The following BOK variants were observed in gnomAD, a reference collection of about 807,000 sequenced individuals.
The protein encoded by BOK is bcl-2-related ovarian killer protein.
In BOK, 20 loss-of-function variants were observed where a neutral mutation model predicts 18.3. The observed-to-expected ratio is 1.09, with a 90% CI of 0.77 to 1.59. The LOEUF (loss-of-function observed/expected upper bound fraction) is 1.59. Among genes scored for constraint, BOK ranks in the 40% most tolerant of loss-of-function variants. The pLI, the probability that BOK is intolerant of heterozygous loss-of-function variation, is 0.00. For synonymous variants in BOK, 173 were observed against 142.4 expected, an observed-to-expected ratio of 1.21 and a Z score of -1.53; for missense variants, 348 against 307.9, an observed-to-expected ratio of 1.13 and a Z score of -0.97.
chr2:241,569,278 C>T (rs916037565), intron 3 of BOK, among the ~76,000 whole-genome samples: 3 of 151,644 alleles, frequency 2.0e-5, no homozygotes, highest in African/African-American at 4.9e-5. Context: ...ATTATAGGCG[C>T]GTGCCACCAC....
At position 241,562,969 on chromosome 2, in the gene BOK, T is replaced by C. The variant is rs2066554397; in HGVS notation, c.349+493T>C. 1.3e-5 allele frequency among the ~76,000 whole-genome samples: 2 copies of C among 152,172 alleles called. No individual in the cohort carries two copies. Among genetic ancestry groups the C allele is most frequent in the African/African-American group, 4.8e-5 (2 of 41,452 alleles). On this transcript the variant is annotated intron_variant, in intron 3 of 4. Transcript: ENST00000318407. The surrounding 1 kb of genome is among the most constrained non-coding windows in gnomAD (Gnocchi z 4.5). ...CACGGGTAACTCTGCTGGATTCTGATGGTCAGAAGCGAGCCTCAGGGCTCC... is the reference window on the plus strand; with the variant it reads ...CACGGGTAACTCTGCTGGATTCTGACGGTCAGAAGCGAGCCTCAGGGCTCC...
chr2:241,566,447 T>TA (rs2066615998), intron 3 of BOK, among the ~76,000 whole-genome samples: 1 of 148,872 alleles, frequency 6.7e-6, no homozygotes, highest in Non-Finnish European at 1.5e-5. Flanking sequence ...TACAGGTATG[T>TA]GCCACCACGC....
chr2:241,562,151 C>T lies in BOK; in HGVS notation c.221-197C>T, dbSNP rs1167135279. Among the ~76,000 whole-genome samples, 1 of 152,216 alleles carries T rather than the reference C, an allele frequency of 6.6e-6. No homozygotes were observed. Among genetic ancestry groups the T allele is most frequent in the Non-Finnish European group, 1.5e-5 (1 of 68,028 alleles). On this transcript the variant is annotated intron_variant, in intron 2 of 4. Transcript: ENST00000318407. The surrounding 1 kb of genome is among the most constrained non-coding windows in gnomAD (Gnocchi z 4.5). Reference sequence around the variant, plus strand: ...TTCAGTACTTCCTTGGTCTTCTGGTCCCTAGGGGCCAAGGTTGGGGGATGG... The same window carrying T: ...TTCAGTACTTCCTTGGTCTTCTGGTTCCTAGGGGCCAAGGTTGGGGGATGG...
At chr2:241,558,434 C>A (rs1468844245), upstream of BOK, among the ~76,000 whole-genome samples, 3 of 152,198 alleles carry the variant, frequency 2.0e-5, no homozygotes, top group Admixed American at 6.5e-5. Flanking sequence ...AATGCGAATC[C>A]AATAATCCAT....
At position 241,562,335 on chromosome 2, in the gene BOK, T is replaced by C. The variant is rs541674847; in HGVS notation, c.221-13T>C. ...ACGTGGGCTGCCTCTCACCTGCTCT[T>C]GTGACCACACAGGCGATGAGCTGGA... On this transcript the variant is annotated splice_polypyrimidine_tract_variant and intron_variant, in intron 2 of 4. Coordinates refer to ENST00000318407, the MANE Select transcript of BOK (RefSeq NM_032515.5). This position sits in a 1 kb window ranked among gnomAD's most constrained non-coding sequence, Gnocchi z 4.5. The C allele has an allele frequency of 6.3e-7, 1 of 1,589,488 alleles. No homozygotes were observed. The highest frequency in any genetic ancestry group is 2.2e-5 in the East Asian group (1 of 44,576).
intron 2 of BOK, chr2:241,560,047 C>A (rs2066503484): frequency 1.0e-6 from 1 of 983,840 alleles, no homozygotes. Context: ...GAGCACGTGT[C>A]CCGATGTTTA....
chr2:241,569,118 A>G (rs185463578), intron 3 of BOK, among the ~76,000 whole-genome samples: 52 of 152,312 alleles, frequency 3.4e-4, no homozygotes, highest in African/African-American at 1.2e-3. Context: ...TCACACTGCC[A>G]TTTAAAAGCA....
intron 1 of BOK, among the ~76,000 whole-genome samples, chr2:241,552,285 A>G (rs1218296832): frequency 2.0e-5 from 3 of 152,130 alleles, no homozygotes; most frequent in Admixed American, 2.0e-4. Flanking sequence ...GATCCAACTC[A>G]GAATGCGGGA....
In BOK at chr2:241,572,547, A is replaced by C; in HGVS notation, c.*125A>C. Reference sequence around the variant, plus strand: ...GCACTCTAACCCTCGGAGACCCCCTAAGCCCCGTTCCTCCGCAGACCCAGG... The same window carrying C: ...GCACTCTAACCCTCGGAGACCCCCTCAGCCCCGTTCCTCCGCAGACCCAGG... On this transcript the variant is annotated 3_prime_UTR_variant, in exon 5 of 5. Transcript: ENST00000318407. 3 of 1,396,176 alleles carry C rather than the reference A, an allele frequency of 2.1e-6. No homozygotes were observed. Among genetic ancestry groups the C allele is most frequent in the African/African-American group, 1.4e-5 (1 of 70,174 alleles). The allele number at this position is 1,396,176 out of a possible 1,614,324, so 86.5% of individuals were successfully genotyped here.
chr2:241,560,543 T>TA (rs766987754), intron 2 of BOK, among the ~76,000 whole-genome samples: 1 of 152,188 alleles, frequency 6.6e-6, no homozygotes, highest in African/African-American at 2.4e-5. Flanking sequence ...CCCCTGCCCT[T>TA]ACGTGGTGGG....
chr2:241,569,293 G>C (rs1329414085), intron 3 of BOK, among the ~76,000 whole-genome samples: 1 of 143,896 alleles, frequency 6.9e-6, no homozygotes, highest in Non-Finnish European at 1.5e-5. Flanking sequence ...CACCACGCCT[G>C]GCTAATTTTT....
At chr2:241,558,186 A>G (rs887663705), upstream of BOK, among the ~76,000 whole-genome samples, 1 of 152,194 alleles carries the variant, frequency 6.6e-6, no homozygotes, top group Non-Finnish European at 1.5e-5. Context: ...TACACGAAAA[A>G]AAATGAGCTC....
exon 1 of BOK, chr2:241,551,467 G>A (rs7576339): frequency 0.17 from 26,031 of 152,212 alleles, 2,863 homozygotes; most frequent in Non-Finnish European, 0.25. Flanking sequence ...GCACCCCATC[G>A]CTCACTGCAG....
intron 3 of BOK, among the ~76,000 whole-genome samples, chr2:241,569,787 C>T (rs1228437982): frequency 2.0e-5 from 3 of 152,216 alleles, no homozygotes; most frequent in Non-Finnish European, 4.4e-5. Flanking sequence ...GACGCCAGGC[C>T]TGTTGTGGGA....
rs10192061 is a variant in BOK at position 241,552,410 on chromosome 2, C to T, written n.54+933C>T. On this transcript the variant is annotated intron_variant and non_coding_transcript_variant, in intron 1 of 1. Transcript: ENST00000641230. ...CCCAGTCCCTCTGGCCTCTCCACGC[C>T]GCGCCATGCCGGTCCACACCCTGTC... Among the ~76,000 whole-genome samples, 1,094 of 152,224 alleles carry T rather than the reference C, an allele frequency of 7.2e-3. 11 individuals are homozygous for T. The highest frequency in any genetic ancestry group is 0.024 in the African/African-American group (1,005 of 41,550).
intron 3 of BOK, among the ~76,000 whole-genome samples, chr2:241,563,300 T>A (rs1302483721): frequency 1.3e-5 from 2 of 152,144 alleles, no homozygotes; most frequent in Non-Finnish European, 2.9e-5. Flanking sequence ...GCTTGCCCCA[T>A]GTCATCAGGT....
At chr2:241,567,674 G>T (rs1463808968) in intron 3 of BOK, among the ~76,000 whole-genome samples, 2 of 135,040 alleles carry the variant, frequency 1.5e-5, no homozygotes, top group African/African-American at 2.9e-5. Flanking sequence ...GGCCAGCTCA[G>T]CTGGGAATTC....
chr2:241,569,533 T>G (rs1012674715), intron 3 of BOK, among the ~76,000 whole-genome samples: 1 of 152,268 alleles, frequency 6.6e-6, no homozygotes, highest in Admixed American at 6.5e-5. Context: ...AATTTTCTTT[T>G]GTGAATCAGC....
chr2:241,560,591 C>T (rs1443704272), intron 2 of BOK, among the ~76,000 whole-genome samples: 1 of 152,150 alleles, frequency 6.6e-6, no homozygotes, highest in Admixed American at 6.5e-5. Context: ...ACCTGGCCTG[C>T]CCAGGAGTGT....
Sources: allele counts gnomAD v4.1 joint callset (sites outside exome capture counted in the v4.1 genomes callset), GRCh38; gene constraint gnomAD v4.1.1; non-coding constraint Gnocchi (gnomAD v3.1); transcripts MANE v1.5; gene names NCBI Gene and HGNC (gene_info 2026-07-23, HGNC 2026-07-21).